SPSB2: variants seen among roughly 807,000 people sequenced by gnomAD.
SPSB2 encodes the protein splA/ryanodine receptor domain and SOCS box containing 2.
SPSB2 carries 25 observed loss-of-function variants against 19.2 expected under a neutral mutation model. The ratio of observed to expected loss-of-function variants is 1.30; its 90% confidence interval spans 0.95 to 1.82. The LOEUF (loss-of-function observed/expected upper bound fraction) is 1.82, where lower values mean the gene tolerates loss of function less well. Ranked by LOEUF, SPSB2 falls within the 40% of genes most tolerant of loss-of-function variation. The pLI is 0.00. For missense variants in SPSB2, 413 were observed against 344.9 expected, an observed-to-expected ratio of 1.20 and a Z score of -1.56; for synonymous variants, 153 against 154.9, an observed-to-expected ratio of 0.99 and a Z score of 0.09.
chr12:6,873,066 A>C, intron 1 of SPSB2, 69 bp from the exon 2 acceptor site: 5 of 566,224 alleles, frequency 8.8e-6, no homozygotes, highest in South Asian at 2.6e-5. Flanking sequence ...CCATCCTTTC[A>C]CCCAAGTTTG....
At chr12:6,871,499 T>A in intron 2 of SPSB2, 180 bp from the exon 3 acceptor site, 2 of 674,148 alleles carry the variant, frequency 3.0e-6, no homozygotes, top group South Asian at 1.9e-5. Context: ...CACACATCCC[T>A]AGTCAGAGCT....
In SPSB2 at chr12:6,872,793, G is replaced by A. The variant is rs782806744; in HGVS notation, c.109C>T (p.Pro37Ser). The A allele has an allele frequency of 6.2e-7, 1 of 1,612,144 alleles. No individual in the cohort carries two copies. The highest frequency in any genetic ancestry group is 1.7e-5 in the Admixed American group (1 of 60,026). The change falls in exon 2 of 3, where the codon CCT (proline) becomes TCT (serine). Residue 37 changes from proline (P) to serine (S), a missense_variant. Transcript: ENST00000524270. Reference sequence around the variant, plus strand: ...CGCCGCTGGGCCCCCAGGTCAGGAGGGGGTGCAGACAGCAGCTCTTCCAAG... The same window carrying A: ...CGCCGCTGGGCCCCCAGGTCAGGAGAGGGTGCAGACAGCAGCTCTTCCAAG... ...EGLEELLSAP[P>S]PDLGAQRRHG...
At position 6,871,325 on chromosome 12, in the gene SPSB2, A is replaced by G. The variant is rs782279875; in HGVS notation, c.665-6T>C. 5.8e-5 allele frequency: 93 copies of G among 1,610,774 alleles called. No homozygotes were observed. The African/African-American group carries it at 6.3e-4, about 11-fold the overall frequency. ...CAGAAGGGAGTGTGGCTCCGCTGGG[A>G]GAGAGAAGGAGGGGAATGTAAGTAT... On this transcript the variant is annotated splice_polypyrimidine_tract_variant and splice_region_variant and intron_variant, in intron 2 of 2. Coordinates refer to ENST00000524270, the MANE Select transcript of SPSB2 (RefSeq NM_032641.4).
chr12:6,872,592 C>T lies in SPSB2; in HGVS notation c.310G>A (p.Ala104Thr), dbSNP rs1555133991. 1.2e-6 allele frequency: 2 copies of T among 1,608,040 alleles called. No individual in the cohort carries two copies. The highest frequency in any genetic ancestry group is 8.5e-7 in the Non-Finnish European group (1 of 1,178,806). The change falls in exon 2 of 3, where the codon GCC (alanine) becomes ACC (threonine). Residue 104 changes from alanine to threonine, a missense_variant. Physicochemically the swap from Ala to Thr is moderately conservative, Grantham distance 58. Transcript: ENST00000524270. ...AGGGCCGTGGCCACGCCCACCACGG[C>T]ATGCGTGCCCCTCTGCTCTAGGGGC... ...SWPLEQRGTH[A>T]VVGVATALAP...
At chr12:6,872,123 G>A in intron 2 of SPSB2, 115 bp downstream of exon 2, 1 of 1,612,796 alleles carries the variant, frequency 6.2e-7, no homozygotes, top group Non-Finnish European at 8.5e-7. Flanking sequence ...ACTGAACAGA[G>A]GTTGAGGCAG....
rs1555134162 is a variant in SPSB2, at chr12:6,872,846, A to G, written c.56T>C (p.Leu19Pro). The change falls in exon 2 of 3, where the codon CTG becomes CCG. Residue 19 changes from leucine (L) to proline (P), a missense_variant. Coordinates refer to ENST00000524270, the MANE Select transcript of SPSB2 (RefSeq NM_032641.4). ...GSSSTPTPQALYPDLSCPEGL... is the reference protein window; with the variant it reads ...GSSSTPTPQAPYPDLSCPEGL... ...CTCGGGACAGGAGAGGTCAGGGTACAGGGCCTGTGGCGTGGGGGTGCTGCT... is the reference window on the plus strand; with the variant it reads ...CTCGGGACAGGAGAGGTCAGGGTACGGGGCCTGTGGCGTGGGGGTGCTGCT... 6.2e-7 allele frequency: 1 copy of G among 1,609,416 alleles called. No individual in the cohort carries two copies.
At position 6,872,351 on chromosome 12, in the gene SPSB2, C is replaced by T. The variant is rs1944612993; in HGVS notation, c.551G>A (p.Gly184Asp). The T allele has an allele frequency of 1.2e-6, 2 of 1,614,208 alleles. No homozygotes were observed. The highest frequency in any genetic ancestry group is 1.7e-5 in the Admixed American group (1 of 60,034). Residue 184 changes from glycine to aspartate, a missense_variant, in exon 2 of 3, where the codon GGC becomes GAC. By Grantham distance (94) the Gly-to-Asp change is moderately conservative (BLOSUM62 -1). Transcript: ENST00000524270. ...GCGGAATGCTGGCCCCAGGTAGGTG[C>T]CCCCAATAGCGTAGCCCAGAGTTCC... is the stretch of plus-strand genomic sequence containing the variant. The part of the protein sequence containing the change: ...EEGTLGYAIG[G>D]TYLGPAFRGL...
chr12:6,872,944 G>A lies in SPSB2; in HGVS notation c.-43C>T. The A allele has an allele frequency of 7.2e-7, 1 of 1,379,528 alleles. No individual in the cohort carries two copies. The highest frequency in any genetic ancestry group is 9.9e-7 in the Non-Finnish European group (1 of 1,013,878). The allele number at this position is 1,379,528 out of a possible 1,614,324, so 85.5% of individuals were successfully genotyped here. On this transcript the variant is annotated 5_prime_UTR_variant, in exon 2 of 3. Transcript: ENST00000524270. ...GGACTCCCCGAAAGAGGCTTGCTGGGGCGTCTTTCTCTTCTGAAAGTTGAG... is the reference window on the plus strand; with the variant it reads ...GGACTCCCCGAAAGAGGCTTGCTGGAGCGTCTTTCTCTTCTGAAAGTTGAG...
intron 2 of SPSB2, chr12:6,871,577 G>A: frequency 1.8e-6 from 1 of 542,882 alleles, no homozygotes; most frequent in Non-Finnish European, 3.3e-6. Context: ...GGTGGAGCTG[G>A]CCCAGGCTTT....
At chr12:6,871,874 T>C in intron 2 of SPSB2, 1 of 842,728 alleles carries the variant, frequency 1.2e-6, no homozygotes, top group Non-Finnish European at 1.7e-6. Flanking sequence ...GGTACCTGGC[T>C]CTGCCCATCC....
intron 2 of SPSB2, chr12:6,871,551 A>G (rs782013623): frequency 3.5e-6 from 2 of 577,384 alleles, no homozygotes; most frequent in African/African-American, 3.8e-5. Context: ...CAACAGGCCA[A>G]GGTGGCTCTG....
Position 6,872,236 on chromosome 12 carries a change from A to T in SPSB2, c.664+2T>A. 6.2e-7 allele frequency: 1 copy of T among 1,613,926 alleles called. No individual in the cohort carries two copies. The highest frequency in any genetic ancestry group is 8.5e-7 in the Non-Finnish European group (1 of 1,179,988). ...TCTCCCCACGTCTGCCCCAGGCCTC[A>T]CCTCTCCTTTCGCCCAGGTAGCGGA... On this transcript the variant is annotated splice_donor_variant, in intron 2 of 2. Coordinates refer to ENST00000524270, the MANE Select transcript of SPSB2 (RefSeq NM_032641.4). LOFTEE classifies it high-confidence loss of function.
At chr12:6,871,381 C>T in intron 2 of SPSB2, 62 bp from the exon 3 acceptor site, 1 of 1,549,910 alleles carries the variant, frequency 6.5e-7, no homozygotes, top group African/African-American at 1.4e-5. Flanking sequence ...TGTCCTCAAA[C>T]TACGGGGTCC....
Position 6,872,375 on chromosome 12 carries a change from C to T in SPSB2, c.527G>A (p.Gly176Glu). The T allele has an allele frequency of 6.2e-7, 1 of 1,614,220 alleles. No individual in the cohort carries two copies. The highest frequency in any genetic ancestry group is 8.5e-7 in the Non-Finnish European group (1 of 1,180,034). The change falls in exon 2 of 3, where the codon GGA (glycine) becomes GAA (glutamate). Residue 176 changes from glycine (G) to glutamate (E), a missense_variant. Gly to Glu is a moderately conservative substitution (Grantham distance 98). Transcript: ENST00000524270. ...RLLVVLDMEE[G>E]TLGYAIGGTY... ...GCCCCCAATAGCGTAGCCCAGAGTT[C>T]CCTCCTCCATGTCCAGAACCACCAG...
rs1379076629 is a variant in SPSB2 at position 6,872,838 on chromosome 12, C to T, written c.64G>A (p.Asp22Asn). 1 of 1,611,252 alleles carries T rather than the reference C, an allele frequency of 6.2e-7. No individual in the cohort carries two copies. ...TCCAAGCCCTCGGGACAGGAGAGGT[C>T]AGGGTACAGGGCCTGTGGCGTGGGG... ...STPTPQALYP[D>N]LSCPEGLEEL... Residue 22 changes from aspartate (D) to asparagine (N), a missense_variant, in exon 2 of 3, where the codon GAC (aspartate) becomes AAC (asparagine). Asp to Asn is a conservative substitution (Grantham distance 23). Coordinates refer to ENST00000524270, the MANE Select transcript of SPSB2 (RefSeq NM_032641.4).
intron 2 of SPSB2, chr12:6,871,536 C>T (rs1944594560): frequency 3.3e-6 from 2 of 599,498 alleles, no homozygotes; most frequent in Non-Finnish European, 5.8e-6. Flanking sequence ...CTAAGGCCCT[C>T]TAAACAACAG....
At chr12:6,871,737 C>T (rs1944598356) in intron 2 of SPSB2, 1 of 352,552 alleles carries the variant, frequency 2.8e-6, no homozygotes, top group Admixed American at 4.5e-5. Context: ...AAGGCCCTGC[C>T]TCCTCCACTG....
chr12:6,872,672 C>A lies in SPSB2; in HGVS notation c.230G>T (p.Gly77Val). 6.2e-7 allele frequency: 1 copy of A among 1,612,602 alleles called. No homozygotes were observed. Among genetic ancestry groups the A allele is most frequent in the Non-Finnish European group, 8.5e-7 (1 of 1,180,004 alleles). Residue 77 changes from glycine to valine, a missense_variant, in exon 2 of 3, where the codon GGG (glycine) becomes GTG (valine). Physicochemically the swap from Gly to Val is moderately radical, Grantham distance 109 (BLOSUM62 -3). Transcript: ENST00000524270. ...ERRPVAQSTD[G>V]ARGKRGYSRG... ...TGAATAGCCCCTCTTACCCCGGGCC[C>A]CATCAGTGCTCTGGGCCACGGGCCG...
chr12:6,871,875 C>T, intron 2 of SPSB2: 1 of 852,506 alleles, frequency 1.2e-6, no homozygotes, highest in Non-Finnish European at 1.7e-6. Flanking sequence ...GTACCTGGCT[C>T]TGCCCATCCT....
Sources: allele counts gnomAD v4.1 joint callset, GRCh38; gene constraint gnomAD v4.1.1; transcripts MANE v1.5; gene names NCBI Gene and HGNC (gene_info 2026-07-23, HGNC 2026-07-21).